SCYL3: variants seen among roughly 807,000 people sequenced by gnomAD.
SCYL3 encodes SCY1 like pseudokinase 3.
Under a neutral mutation model 73.8 loss-of-function variants are expected in SCYL3, and 35 were observed. The observed-to-expected ratio is 0.47, with a 90% CI of 0.36 to 0.63. SCYL3 has a LOEUF of 0.63. Among genes scored for constraint, SCYL3 ranks in the 20% least tolerant of loss-of-function variants. The pLI is 0.00. For synonymous variants in SCYL3, 277 were observed against 295.2 expected (o/e 0.94, Z 0.63); for missense variants, 712 against 798.9 (o/e 0.89, Z 1.31).
intron 11 of SCYL3, chr1:169,856,069 A>G: frequency 1.1e-6 from 1 of 904,638 alleles, no homozygotes; most frequent in South Asian, 1.7e-5. Flanking sequence ...TATACATATA[A>G]AGGATAAAAT....
rs764855943 is a variant in SCYL3, at chr1:169,870,291, A to G, written c.589T>C (p.Leu197=). ...HARDAFSFGT[L]VESLLTILNE... ...AAGATTGTGAGCAAACTTTCCACCA[A>G]TGTTCCAAATGAAAAGGCATCCCGG... Residue 197 remains leucine, a synonymous_variant, in exon 6 of 13, where the codon TTG becomes CTG. Transcript: ENST00000367771. 6 of 1,613,622 alleles carry G rather than the reference A, an allele frequency of 3.7e-6. No homozygotes were observed. Among genetic ancestry groups the G allele is most frequent in the East Asian group, 2.2e-5 (1 of 44,862 alleles).
At position 169,872,579 on chromosome 1, in the gene SCYL3, TC is replaced by T. The variant is rs1439482999; in HGVS notation, c.522+1116del. ...ATCCTCCAGATCCCAGAATGGTAGA[TC>T]CACTGACAGCTTGCACCACGTGCCT... On this transcript the variant is annotated intron_variant, in intron 5 of 12. Transcript: ENST00000367771. 1.2e-4 allele frequency among the ~76,000 whole-genome samples: 18 copies of T among 152,230 alleles called. No individual in the cohort carries two copies. The East Asian group carries it at 3.3e-3, about 28-fold the overall frequency.
rs995504880 is a variant in SCYL3, at chr1:169,853,337, A to T, written c.*376T>A. 2.5e-5 allele frequency: 8 copies of T among 322,878 alleles called. No homozygotes were observed. Among genetic ancestry groups the T allele is most frequent in the African/African-American group, 1.5e-4 (7 of 46,470 alleles). The allele number at this position is 322,878 out of a possible 1,614,324, so 20.0% of individuals were successfully genotyped here. ...AAAGTTGTATTTCATAATAGAGCTT[A>T]CTCTTATGTTAAAGAATGGCACAAA... is the stretch of plus-strand genomic sequence containing the variant. On this transcript the variant is annotated 3_prime_UTR_variant, in exon 13 of 13. Transcript: ENST00000367771.
intron 9 of SCYL3, among the ~76,000 whole-genome samples, chr1:169,863,636 C>T (rs1251671335): frequency 1.3e-5 from 2 of 152,016 alleles, no homozygotes; most frequent in African/African-American, 4.8e-5. Context: ...AGCAAAGAGG[C>T]AAATTTTCAA....
intron 2 of SCYL3, among the ~76,000 whole-genome samples, chr1:169,885,054 G>A (rs986737219): frequency 7.9e-5 from 12 of 152,206 alleles, no homozygotes; most frequent in African/African-American, 2.9e-4. Flanking sequence ...TCTTGCCCTA[G>A]TAGAGAAAGA....
chr1:169,875,895 T>G (rs1302050761), intron 4 of SCYL3, 83 bp downstream of exon 4: 5 of 735,434 alleles, frequency 6.8e-6, no homozygotes, highest in Non-Finnish European at 1.1e-5. Context: ...AAGCTAACAC[T>G]GAAGGAAAGT....
intron 11 of SCYL3, chr1:169,855,708 A>AAAACTCCC: frequency 7.8e-7 from 1 of 1,282,936 alleles, no homozygotes; most frequent in Non-Finnish European, 1.1e-6. Context: ...AATCAGTCTC[A>AAAACTCCC]AAACTCCCAA....
chr1:169,871,460 T>C (rs889852900), intron 5 of SCYL3, among the ~76,000 whole-genome samples: 2 of 152,194 alleles, frequency 1.3e-5, no homozygotes, highest in African/African-American at 2.4e-5. Flanking sequence ...CGTGGAACTT[T>C]TGTAAATTGC....
intron 2 of SCYL3, among the ~76,000 whole-genome samples, chr1:169,883,887 T>G (rs1279817487): frequency 6.6e-6 from 1 of 151,708 alleles, no homozygotes; most frequent in Non-Finnish European, 1.5e-5. Context: ...CCCAGCTAAT[T>G]GTTTTTGTAT....
At chr1:169,885,909 A>G (rs2102210152) in intron 2 of SCYL3, among the ~76,000 whole-genome samples, 1 of 152,322 alleles carries the variant, frequency 6.6e-6, no homozygotes. Flanking sequence ...TGGGTCCATC[A>G]TACCTGAGGC....
chr1:169,884,482 G>C (rs564722283), intron 2 of SCYL3, among the ~76,000 whole-genome samples: 1 of 151,978 alleles, frequency 6.6e-6, no homozygotes, highest in Non-Finnish European at 1.5e-5. Context: ...GTTTTTAGTA[G>C]AGATGGGGTT....
chr1:169,860,595 A>G (rs1361662629), intron 10 of SCYL3, among the ~76,000 whole-genome samples: 2 of 152,276 alleles, frequency 1.3e-5, no homozygotes, highest in African/African-American at 2.4e-5. Context: ...GATAATTATT[A>G]GGACCAATGC....
intron 9 of SCYL3, among the ~76,000 whole-genome samples, chr1:169,863,586 T>G (rs985573923): frequency 3.3e-5 from 5 of 152,166 alleles, no homozygotes; most frequent in African/African-American, 1.2e-4. Context: ...AAAATATGTA[T>G]ACCTATGTCC....
chr1:169,892,821 G>A (rs1662177958), intron 1 of SCYL3, among the ~76,000 whole-genome samples: 1 of 152,170 alleles, frequency 6.6e-6, no homozygotes, highest in Admixed American at 6.5e-5. Context: ...TGTGCTCTAT[G>A]GAAATGTTTC....
Position 169,862,624 on chromosome 1 carries a change from T to G in SCYL3, c.1129A>C (p.Ile377Leu). Residue 377 changes from isoleucine (I) to leucine (L), a missense_variant, in exon 10 of 13, where the codon ATC (isoleucine) becomes CTC (leucine). By Grantham distance (5) the Ile-to-Leu change is conservative. This residue lies in a region of SCYL3 where 342 missense variants were observed against 448.1 expected (regional missense o/e 0.76). Transcript: ENST00000367771. ...ACTTGGCCTCTGACCTGTGGCAAGA[T>G]GACTTTCTTCAGCTGCTCCTGAGTG... ...HFTQEQLKKV[I>L]LPQVLLGLRD... The G allele has an allele frequency of 1.3e-5, 21 of 1,614,206 alleles. No homozygotes were observed. The highest frequency in any genetic ancestry group is 1.7e-5 in the Non-Finnish European group (20 of 1,180,038).
Position 169,849,818 on chromosome 1 carries a change from C to A in SCYL3, c.*3895G>T. ...GTAAGGTCCTCTGAATAAACAAGGA[C>A]CAGAACAGGCATACACAGCAGGCCT... On this transcript the variant is annotated 3_prime_UTR_variant, in exon 13 of 13. Transcript: ENST00000367771. 1 of 552,374 alleles carries A rather than the reference C, an allele frequency of 1.8e-6. No homozygotes were observed. Among genetic ancestry groups the A allele is most frequent in the South Asian group, 2.1e-5 (1 of 47,726 alleles). The allele number at this position is 552,374 out of a possible 1,614,324, so 34.2% of individuals were successfully genotyped here. A position where few individuals can be genotyped will look rare whatever the true frequency, so the allele number is the denominator to read the frequency against.
intron 5 of SCYL3, among the ~76,000 whole-genome samples, chr1:169,870,803 A>C (rs1053686803): frequency 6.6e-6 from 1 of 152,140 alleles, no homozygotes. Context: ...ATTGACTTAA[A>C]ACCCGCAAAT....
intron 8 of SCYL3, among the ~76,000 whole-genome samples, chr1:169,864,820 C>T (rs1484375532): frequency 6.6e-6 from 1 of 151,918 alleles, no homozygotes; most frequent in African/African-American, 2.4e-5. Context: ...ATTAGCCGGG[C>T]GTGGTGGCAG....
rs139607645 is a variant in SCYL3 at position 169,881,357 on chromosome 1, G to A, written c.166-2538C>T. ...GAGTACCTGTGATTTTAATACTTTC[G>A]TAAAATTTGTAAAGATCAAATCAAT... On this transcript the variant is annotated intron_variant, in intron 2 of 12. Coordinates refer to ENST00000367771, the MANE Select transcript of SCYL3 (RefSeq NM_020423.7). Among the ~76,000 whole-genome samples the A allele has an allele frequency of 1.9e-4, 29 of 152,034 alleles. No homozygotes were observed. In the East Asian group the frequency reaches 3.1e-3, roughly 16 times the overall value.
Sources: gnomAD v4.1 joint callset for allele counts (sites outside exome capture counted in the v4.1 genomes callset) on GRCh38, gnomAD v4.1.1 for gene constraint, gnomAD v4.1.1 regional missense constraint, MANE v1.5 for transcripts, NCBI Gene and HGNC (gene_info 2026-07-23, HGNC 2026-07-21) for gene names.